Variants in PTPRR observed in about 807,000 individuals in gnomAD.
PTPRR encodes protein tyrosine phosphatase receptor type R.
Under a neutral mutation model 77.2 loss-of-function variants are expected in PTPRR, and 38 were observed. The observed-to-expected ratio is 0.49, with a 90% confidence interval of 0.38 to 0.65. PTPRR has a LOEUF of 0.65. Ranked by LOEUF, PTPRR falls within the 30% of genes least tolerant of loss-of-function variation. PTPRR has a pLI of 0.00. For missense variants in PTPRR, 744 were observed against 799.2 expected, an observed-to-expected ratio of 0.93 and a Z score of 0.83; for synonymous variants, 299 against 283.1, an observed-to-expected ratio of 1.06 and a Z score of -0.57.
At chr12:70,902,423 G>A (rs111722681) in intron 1 of PTPRR, among the ~76,000 whole-genome samples, 2,058 of 151,672 alleles carry the variant, frequency 0.014, 45 homozygotes, top group African/African-American at 0.047. Context: ...CCAAATGCCC[G>A]TCAATCAACG....
intron 2 of PTPRR, among the ~76,000 whole-genome samples, chr12:70,876,448 C>A (rs1008907139): frequency 6.6e-6 from 1 of 151,964 alleles, no homozygotes; most frequent in African/African-American, 2.4e-5. Flanking sequence ...TATATACAAA[C>A]GTGAAAATTA....
chr12:70,852,127 GA>G (rs1892581751), intron 2 of PTPRR, among the ~76,000 whole-genome samples: 1 of 152,084 alleles, frequency 6.6e-6, no homozygotes, highest in African/African-American at 2.4e-5. Context: ...GGGTGTGCAG[GA>G]AATGAAATTT....
At chr12:70,866,974 A>G (rs1419849981) in intron 2 of PTPRR, among the ~76,000 whole-genome samples, 1 of 151,684 alleles carries the variant, frequency 6.6e-6, no homozygotes, top group East Asian at 1.9e-4. Flanking sequence ...CTTTGACAAA[A>G]TTCAAAATTC....
chr12:70,738,177 C>T (rs191312424), intron 6 of PTPRR, among the ~76,000 whole-genome samples: 1 of 152,260 alleles, frequency 6.6e-6, no homozygotes, highest in Admixed American at 6.5e-5. Context: ...CTCAGCAACC[C>T]CTAAGGAAAC....
intron 2 of PTPRR, among the ~76,000 whole-genome samples, chr12:70,781,623 T>C (rs1382994912): frequency 1.3e-5 from 2 of 152,188 alleles, no homozygotes; most frequent in Admixed American, 1.3e-4. Context: ...GTTGGTACAA[T>C]TTGGTCTTAG....
At chr12:70,657,414 A>G (rs1411576656) in intron 12 of PTPRR, among the ~76,000 whole-genome samples, 1 of 152,226 alleles carries the variant, frequency 6.6e-6, no homozygotes, top group East Asian at 1.9e-4. Context: ...TTGTATAGAC[A>G]TGATAATTGA....
chr12:70,854,013 A>C (rs1031236438), intron 2 of PTPRR, among the ~76,000 whole-genome samples: 2 of 152,218 alleles, frequency 1.3e-5, no homozygotes, highest in African/African-American at 4.8e-5. Flanking sequence ...CATTATTACC[A>C]GATTTAGAAT....
Position 70,746,087 on chromosome 12 carries a change from C to A in PTPRR, c.739-1G>T. ...ATCTTTCTTTTAATCTGTAAAGAAT[C>A]TATAGAAGGAGATATAAAAAACTCC... On this transcript the variant is annotated splice_acceptor_variant, in intron 5 of 13. Coordinates refer to ENST00000283228, the MANE Select transcript of PTPRR (RefSeq NM_002849.4). LOFTEE classifies it high-confidence loss of function. 6.2e-7 allele frequency: 1 copy of A among 1,607,254 alleles called. No homozygotes were observed.
At chr12:70,876,762 A>T (rs1893058565) in intron 2 of PTPRR, among the ~76,000 whole-genome samples, 1 of 152,206 alleles carries the variant, frequency 6.6e-6, no homozygotes, top group Non-Finnish European at 1.5e-5. Context: ...TCTTCTTTCT[A>T]ACAGAAGTTG....
chr12:70,788,378 A>G (rs1353482073), intron 2 of PTPRR, among the ~76,000 whole-genome samples: 1 of 152,238 alleles, frequency 6.6e-6, no homozygotes, highest in Non-Finnish European at 1.5e-5. Flanking sequence ...AGATTTAGTG[A>G]ATTAACCCAC....
At chr12:70,715,934 G>A (rs139568507) in intron 6 of PTPRR, among the ~76,000 whole-genome samples, 6 of 152,246 alleles carry the variant, frequency 3.9e-5, no homozygotes, top group Non-Finnish European at 8.8e-5. Flanking sequence ...AAATCACAAG[G>A]GTATTGATTG....
intron 2 of PTPRR, among the ~76,000 whole-genome samples, chr12:70,859,864 G>A (rs990963075): frequency 1.3e-5 from 2 of 152,018 alleles, no homozygotes; most frequent in African/African-American, 4.8e-5. Context: ...GTATTACAGT[G>A]ATAACCACAA....
At chr12:70,656,020 T>C (rs1886562621) in intron 13 of PTPRR, among the ~76,000 whole-genome samples, 1 of 151,874 alleles carries the variant, frequency 6.6e-6, no homozygotes, top group Non-Finnish European at 1.5e-5. Context: ...TAGACCAACC[T>C]GGGCAACATA....
At chr12:70,716,593 T>C (rs1592700214) in intron 6 of PTPRR, among the ~76,000 whole-genome samples, 1 of 152,170 alleles carries the variant, frequency 6.6e-6, no homozygotes, top group Non-Finnish European at 1.5e-5. Context: ...TAATGGTAAC[T>C]TTTTTCAGCC....
intron 4 of PTPRR, among the ~76,000 whole-genome samples, chr12:70,756,798 A>C (rs908188951): frequency 6.6e-6 from 1 of 152,138 alleles, no homozygotes; most frequent in African/African-American, 2.4e-5. Context: ...ATTTTAATCA[A>C]TTCTGATCTC....
intron 6 of PTPRR, among the ~76,000 whole-genome samples, chr12:70,718,434 T>A (rs1312888879): frequency 6.6e-6 from 1 of 152,026 alleles, no homozygotes; most frequent in African/African-American, 2.4e-5. Context: ...CTCAGCTAAT[T>A]TTTTGTATTT....
chr12:70,726,683 C>T lies in PTPRR; in HGVS notation c.1007+19135G>A, dbSNP rs141466787. Among the ~76,000 whole-genome samples, 96 of 151,492 alleles carry T rather than the reference C, an allele frequency of 6.3e-4. No homozygotes were observed. The East Asian group carries it at 0.012, about 20-fold the overall frequency. On this transcript the variant is annotated intron_variant, in intron 6 of 13. Coordinates refer to ENST00000283228, the MANE Select transcript of PTPRR (RefSeq NM_002849.4). Reference sequence around the variant, plus strand: ...GCAACCTCCACCTCCTGAGTTCAAACGATTCTTACATCTCAGCCTCCCAAG... The same window carrying T: ...GCAACCTCCACCTCCTGAGTTCAAATGATTCTTACATCTCAGCCTCCCAAG...
chr12:70,693,937 A>G (rs758872927), intron 8 of PTPRR, among the ~76,000 whole-genome samples: 1 of 151,994 alleles, frequency 6.6e-6, no homozygotes, highest in Non-Finnish European at 1.5e-5. Context: ...AGGGCTTACT[A>G]TTAGTTGGAA....
intron 2 of PTPRR, among the ~76,000 whole-genome samples, chr12:70,795,288 T>C (rs1404702184): frequency 6.6e-6 from 1 of 152,218 alleles, no homozygotes; most frequent in Non-Finnish European, 1.5e-5. Flanking sequence ...GGTGACATTC[T>C]TTCTAAATAT....
Sources: gnomAD v4.1 joint callset for allele counts (sites outside exome capture counted in the v4.1 genomes callset) on GRCh38, gnomAD v4.1.1 for gene constraint, MANE v1.5 for transcripts, NCBI Gene and HGNC (gene_info 2026-07-23, HGNC 2026-07-21) for gene names.